SULF1: variants seen among roughly 807,000 people sequenced by gnomAD.
SULF1 encodes the protein extracellular sulfatase Sulf-1.
Under a neutral mutation model 110.5 loss-of-function variants are expected in SULF1, and 46 were observed. The ratio of observed to expected loss-of-function variants is 0.42; its 90% CI spans 0.33 to 0.53. The LOEUF is 0.53. Ranked by LOEUF, SULF1 falls within the 20% of genes least tolerant of loss-of-function variation. The pLI, the probability that SULF1 is intolerant of heterozygous loss-of-function variation, is 0.12. For missense variants in SULF1, 941 were observed against 1,094.2 expected, an observed-to-expected ratio of 0.86 and a Z score of 1.98; for synonymous variants, 371 against 387.1, an observed-to-expected ratio of 0.96 and a Z score of 0.49.
At chr8:69,621,586 CTCCTGA>C in intron 14 of SULF1, among the ~76,000 whole-genome samples, 1 of 152,346 alleles carries the variant, frequency 6.6e-6, no homozygotes, top group African/African-American at 2.4e-5. Context: ...ATGCCAACAT[CTCCTGA>C]CTTGTCTGCC....
intron 17 of SULF1, 95 bp downstream of exon 17, chr8:69,627,961 G>A: frequency 1.0e-6 from 1 of 979,504 alleles, no homozygotes; most frequent in Non-Finnish European, 1.6e-6. Flanking sequence ...CTTACCTATA[G>A]AATGTATTGT....
At chr8:69,625,818 A>G (rs1165226796) in intron 15 of SULF1, 3 of 152,440 alleles carry the variant, frequency 2.0e-5, no homozygotes, top group Non-Finnish European at 4.4e-5. Context: ...TGGCTCCGGC[A>G]GCCTGCTTTT....
At chr8:69,628,579 G>A (rs1414018333) in intron 18 of SULF1, among the ~76,000 whole-genome samples, 7 of 152,180 alleles carry the variant, frequency 4.6e-5, no homozygotes, top group Non-Finnish European at 7.3e-5. Flanking sequence ...TGCAGTTGGT[G>A]TTCTACAGAG....
At chr8:69,578,528 C>T (rs1026276898) in intron 6 of SULF1, among the ~76,000 whole-genome samples, 8 of 120,676 alleles carry the variant, frequency 6.6e-5, no homozygotes, top group Non-Finnish European at 1.3e-4. Flanking sequence ...AACTGACTGA[C>T]GTTCCAATGG....
At chr8:69,578,196 G>A (rs1805763826) in intron 6 of SULF1, among the ~76,000 whole-genome samples, 1 of 152,124 alleles carries the variant, frequency 6.6e-6, no homozygotes, top group Non-Finnish European at 1.5e-5. Context: ...GTTATACTGT[G>A]CTATATCCAC....
chr8:69,620,607 C>T (rs150377305), intron 13 of SULF1, among the ~76,000 whole-genome samples: 15 of 152,348 alleles, frequency 9.8e-5, no homozygotes, highest in African/African-American at 3.4e-4. Context: ...CCCTGGCTCA[C>T]ATTAGAAATT....
At chr8:69,615,150 C>T (rs1458885836) in intron 13 of SULF1, among the ~76,000 whole-genome samples, 1 of 152,178 alleles carries the variant, frequency 6.6e-6, no homozygotes, top group Non-Finnish European at 1.5e-5. Flanking sequence ...AGGTGCCTCA[C>T]CTGAGCTCAG....
intron 13 of SULF1, among the ~76,000 whole-genome samples, chr8:69,618,701 A>G (rs1809369653): frequency 6.6e-6 from 1 of 152,240 alleles, no homozygotes; most frequent in Non-Finnish European, 1.5e-5. Context: ...AAACAACCAA[A>G]TTCAGTAGTA....
chr8:69,654,724 C>T (rs1271176992), intron 22 of SULF1, among the ~76,000 whole-genome samples: 4 of 152,190 alleles, frequency 2.6e-5, no homozygotes, highest in Non-Finnish European at 5.9e-5. Context: ...GAAATCTGTC[C>T]AGTGGGGGAC....
chr8:69,515,448 T>A (rs1350932797), intron 3 of SULF1, among the ~76,000 whole-genome samples: 1 of 152,154 alleles, frequency 6.6e-6, no homozygotes, highest in East Asian at 1.9e-4. Flanking sequence ...GCCCTGGGCC[T>A]GGCCCATGAA....
intron 1 of SULF1, among the ~76,000 whole-genome samples, chr8:69,494,323 A>G (rs1472469976): frequency 6.6e-6 from 1 of 152,246 alleles, no homozygotes; most frequent in Non-Finnish European, 1.5e-5. Context: ...AGTGCTCAGT[A>G]TGTTATATGA....
At chr8:69,641,122 G>GA (rs1338270236) in intron 22 of SULF1, 67 of 326,200 alleles carry the variant, frequency 2.1e-4, no homozygotes, top group South Asian at 5.9e-4. Context: ...TGATGTGAAG[G>GA]AAAAAAAACA....
intron 3 of SULF1, among the ~76,000 whole-genome samples, chr8:69,558,908 A>G (rs1370247721): frequency 6.6e-6 from 1 of 152,140 alleles, no homozygotes; most frequent in African/African-American, 2.4e-5. Context: ...TTATATGTTA[A>G]CCTAAATGAT....
rs1259393134 is a variant in SULF1, at chr8:69,495,819, G to T, written c.-336G>T. 6.6e-6 allele frequency: 1 copy of T among 152,216 alleles called. No individual in the cohort carries two copies. Among genetic ancestry groups the T allele is most frequent in the Non-Finnish European group, 1.5e-5 (1 of 68,044 alleles). 9.4% of individuals were successfully genotyped at this position (152,216 alleles called of 1,614,324 possible). ...TCACTCAGAGACTAACACAAAGGAA[G>T]TAATTTCTTACCTGGTCATTATTTA... On this transcript the variant is annotated 5_prime_UTR_variant, in exon 2 of 23. Transcript: ENST00000402687.
chr8:69,561,791 A>C (rs17646697), intron 3 of SULF1, among the ~76,000 whole-genome samples: 1 of 152,116 alleles, frequency 6.6e-6, no homozygotes, highest in Non-Finnish European at 1.5e-5. Context: ...GTATTTAACT[A>C]TTTAGCCTGA....
At chr8:69,626,832 C>T (rs551090926) in intron 15 of SULF1, among the ~76,000 whole-genome samples, 312 of 152,372 alleles carry the variant, frequency 2.0e-3, no homozygotes, top group Middle Eastern at 0.01. Flanking sequence ...CAGGCAGCCC[C>T]GGTTCCCATT....
At chr8:69,631,380 T>C (rs1476707678) in intron 19 of SULF1, among the ~76,000 whole-genome samples, 1 of 152,142 alleles carries the variant, frequency 6.6e-6, no homozygotes, top group African/African-American at 2.4e-5. Context: ...CAGGCTCCCC[T>C]CTGGTCCTCA....
chr8:69,526,606 A>G (rs866637982), intron 3 of SULF1, among the ~76,000 whole-genome samples: 1 of 148,584 alleles, frequency 6.7e-6, no homozygotes, highest in African/African-American at 2.6e-5. Flanking sequence ...TACCAAAAAA[A>G]AAAAAAAAGA....
At chr8:69,641,367 A>G (rs1722308480) in intron 22 of SULF1, among the ~76,000 whole-genome samples, 1 of 152,200 alleles carries the variant, frequency 6.6e-6, no homozygotes. Context: ...GAAAAGCAGC[A>G]GCCGTAAGAT....
Sources: allele counts gnomAD v4.1 joint callset (sites outside exome capture counted in the v4.1 genomes callset), GRCh38; gene constraint gnomAD v4.1.1; transcripts MANE v1.5; gene names NCBI Gene and HGNC (gene_info 2026-07-23, HGNC 2026-07-21).